The following RYR2 variants were observed in gnomAD, a reference collection of about 807,000 sequenced individuals.
RYR2 encodes ryanodine receptor 2, also known as cardiac muscle ryanodine receptor-calcium release channel.
In RYR2, 227 loss-of-function variants were observed where a neutral mutation model predicts 601.1. The observed-to-expected ratio is 0.38, with a 90% CI of 0.34 to 0.42. The LOEUF is 0.42. RYR2 is among the 10% of genes least tolerant of loss of function. The pLI, the probability that RYR2 is intolerant of heterozygous loss-of-function variation, is 1.00. For missense variants in RYR2, 4,646 were observed against 6,156.5 expected (o/e 0.75, Z 8.21); for synonymous variants, 2,223 against 2,175.1 (o/e 1.02, Z -0.61).
chr1:237,688,160 G>A (rs1333842029), intron 63 of RYR2, among the ~76,000 whole-genome samples: 1 of 152,224 alleles, frequency 6.6e-6, no homozygotes, highest in African/African-American at 2.4e-5. Flanking sequence ...TGGGGCTTTA[G>A]AATCTTTAGT....
intron 87 of RYR2, among the ~76,000 whole-genome samples, chr1:237,776,156 C>T (rs1694642027): frequency 6.6e-6 from 1 of 151,946 alleles, no homozygotes; most frequent in Non-Finnish European, 1.5e-5. Context: ...TGCACTTTTC[C>T]TCCTCCCTAA....
chr1:237,484,781 G>T (rs1047811058), intron 17 of RYR2, among the ~76,000 whole-genome samples: 1 of 152,096 alleles, frequency 6.6e-6, no homozygotes, highest in African/African-American at 2.4e-5. Flanking sequence ...TCAGTAAAAA[G>T]CAAACAGGAC....
intron 27 of RYR2, among the ~76,000 whole-genome samples, chr1:237,565,041 G>A (rs1671824136): frequency 6.6e-6 from 1 of 151,996 alleles, no homozygotes; most frequent in African/African-American, 2.4e-5. Context: ...TTTTTATTAT[G>A]CATAAAGTCT....
At chr1:237,742,638 G>A (rs1292524648) in intron 80 of RYR2, among the ~76,000 whole-genome samples, 1 of 152,168 alleles carries the variant, frequency 6.6e-6, no homozygotes, top group Non-Finnish European at 1.5e-5. Context: ...CAGCGATGTG[G>A]TCTGGAATTT....
At chr1:237,079,824 A>G (rs1399925074) in intron 1 of RYR2, among the ~76,000 whole-genome samples, 2 of 138,038 alleles carry the variant, frequency 1.4e-5, no homozygotes, top group East Asian at 4.0e-4. Flanking sequence ...TTGCCAAGTC[A>G]ATCCTAAGCC....
At chr1:237,125,789 C>T (rs1017774837) in intron 1 of RYR2, among the ~76,000 whole-genome samples, 10 of 152,260 alleles carry the variant, frequency 6.6e-5, no homozygotes, top group Non-Finnish European at 1.3e-4. Flanking sequence ...CAGGAAGAGA[C>T]CTTGTTACTT....
chr1:237,691,985 A>T (rs944763589), intron 63 of RYR2, among the ~76,000 whole-genome samples: 4 of 152,198 alleles, frequency 2.6e-5, no homozygotes, highest in African/African-American at 9.7e-5. Flanking sequence ...AATTCTGATT[A>T]CTATTTTCAA....
chr1:237,538,764 C>A lies in RYR2; in HGVS notation c.2906+8254C>A, dbSNP rs1572779257. ...CCAGCCTGGGTGACAGAGTGAGACT[C>A]CGTCACAATAAAAAAAATTAAAAAA... On this transcript the variant is annotated intron_variant, in intron 25 of 104. Coordinates refer to ENST00000366574, the MANE Select transcript of RYR2 (RefSeq NM_001035.3). 3.2e-5 allele frequency among the ~76,000 whole-genome samples: 4 copies of A among 125,364 alleles called. 1 individual carries two copies. In the Admixed American group the frequency reaches 3.8e-4, roughly 12 times the overall value. 82.2% of individuals were successfully genotyped at this position (125,364 alleles called of 152,430 possible).
intron 34 of RYR2, among the ~76,000 whole-genome samples, chr1:237,601,603 A>G (rs1676513148): frequency 6.6e-6 from 1 of 152,176 alleles, no homozygotes; most frequent in Non-Finnish European, 1.5e-5. Context: ...TTCTCACCAC[A>G]AAGAAATGAA....
chr1:237,229,952 G>A (rs1041274435), intron 1 of RYR2, among the ~76,000 whole-genome samples: 2 of 152,002 alleles, frequency 1.3e-5, no homozygotes, highest in South Asian at 2.1e-4. Flanking sequence ...CATATATAAC[G>A]TTAGGCTAAG....
intron 17 of RYR2, among the ~76,000 whole-genome samples, chr1:237,481,013 C>G (rs892810842): frequency 2.0e-5 from 3 of 151,396 alleles, no homozygotes; most frequent in African/African-American, 7.3e-5. Context: ...GCCACAAAAC[C>G]AGCATAAAAA....
chr1:237,742,270 C>CCTTTTTTTTTTTTTTTTTTT (rs746171474), intron 79 of RYR2, 26 bp from the exon 80 acceptor site: 2 of 1,183,902 alleles, frequency 1.7e-6, no homozygotes, highest in South Asian at 1.6e-5. Flanking sequence ...TTCCTGTCTC[C>CCTTTTTTTTTTTTTTTTTTT]TTTTTTTTTT....
At chr1:237,413,197 C>T (rs370561149) in intron 10 of RYR2, among the ~76,000 whole-genome samples, 26 of 152,030 alleles carry the variant, frequency 1.7e-4, no homozygotes, top group African/African-American at 2.4e-4. Context: ...AAAGATTCCC[C>T]GCCTGGCAAT....
intron 5 of RYR2, among the ~76,000 whole-genome samples, chr1:237,365,891 T>C (rs1043764568): frequency 6.6e-6 from 1 of 152,208 alleles, no homozygotes; most frequent in African/African-American, 2.4e-5. Flanking sequence ...TAAAAGCAGG[T>C]GGTATGCCTA....
At chr1:237,204,451 GT>G (rs1342023750) in intron 1 of RYR2, among the ~76,000 whole-genome samples, 5 of 150,238 alleles carry the variant, frequency 3.3e-5, no homozygotes, top group Admixed American at 1.3e-4. Context: ...TTTTTTGACT[GT>G]CATGAATAAA....
chr1:237,681,279 T>C (rs539374212), intron 62 of RYR2, among the ~76,000 whole-genome samples: 1 of 152,342 alleles, frequency 6.6e-6, no homozygotes, highest in African/African-American at 2.4e-5. Context: ...ATACACAGTA[T>C]AAAGCAGAAC....
chr1:237,573,430 C>A (rs1172337655), intron 29 of RYR2, among the ~76,000 whole-genome samples: 1 of 151,472 alleles, frequency 6.6e-6, no homozygotes, highest in Non-Finnish European at 1.5e-5. Flanking sequence ...TTTCTATATA[C>A]CGTCAAAAAG....
intron 17 of RYR2, among the ~76,000 whole-genome samples, chr1:237,472,248 T>C (rs1201969049): frequency 2.0e-5 from 3 of 152,218 alleles, no homozygotes; most frequent in Non-Finnish European, 2.9e-5. Context: ...TTTTTTCCTC[T>C]CTGTAATAAG....
intron 20 of RYR2, among the ~76,000 whole-genome samples, chr1:237,499,676 T>TA (rs11331256): frequency 4.6e-5 from 7 of 150,946 alleles, no homozygotes; most frequent in African/African-American, 7.3e-5. Context: ...GTGTCCACAT[T>TA]AAAAAAAAAA....
Sources: gnomAD v4.1 joint callset for allele counts (sites outside exome capture counted in the v4.1 genomes callset) on GRCh38, gnomAD v4.1.1 for gene constraint, MANE v1.5 for transcripts, NCBI Gene and HGNC (gene_info 2026-07-23, HGNC 2026-07-21) for gene names.